Variants in GTF2E2 observed in about 807,000 individuals in gnomAD.
The protein encoded by GTF2E2 is general transcription factor IIE subunit 2.
Under a neutral mutation model 40.5 loss-of-function variants are expected in GTF2E2, and 21 were observed. The ratio of observed to expected loss-of-function variants is 0.52; its 90% CI spans 0.37 to 0.75. The LOEUF is 0.75. GTF2E2 is among the 30% of genes least tolerant of loss of function. The pLI, the probability that GTF2E2 is intolerant of heterozygous loss-of-function variation, is 0.00. For missense variants in GTF2E2, 298 were observed against 338.4 expected, an observed-to-expected ratio of 0.88 and a Z score of 0.94; for synonymous variants, 117 against 121.6, an observed-to-expected ratio of 0.96 and a Z score of 0.25.
chr8:30,611,061 T>C (rs1829461918), intron 5 of GTF2E2, among the ~76,000 whole-genome samples: 1 of 152,190 alleles, frequency 6.6e-6, no homozygotes, highest in Non-Finnish European at 1.5e-5. Flanking sequence ...TTGAGAATAT[T>C]ATGCTAAGTG....
intron 6 of GTF2E2, among the ~76,000 whole-genome samples, chr8:30,593,065 G>A (rs950334801): frequency 1.3e-5 from 2 of 152,118 alleles, no homozygotes; most frequent in African/African-American, 4.8e-5. Flanking sequence ...GTGGTGGCAC[G>A]TGCCTGTAGT....
chr8:30,615,170 T>A (rs187996631), intron 3 of GTF2E2, among the ~76,000 whole-genome samples: 219 of 152,024 alleles, frequency 1.4e-3, no homozygotes, highest in Non-Finnish European at 2.4e-3. Context: ...TCCCAGCTAC[T>A]TGGGAGGCTG....
intron 3 of GTF2E2, among the ~76,000 whole-genome samples, chr8:30,622,668 T>G (rs2151136920): frequency 6.6e-6 from 1 of 152,060 alleles, no homozygotes; most frequent in East Asian, 1.9e-4. Context: ...TCCCTACAGC[T>G]CGACCATAGA....
chr8:30,610,496 TGAAGAAAGACATACAGGCA>T (rs761993709), intron 5 of GTF2E2, among the ~76,000 whole-genome samples: 18 of 148,574 alleles, frequency 1.2e-4, no homozygotes, highest in Non-Finnish European at 2.1e-4. Context: ...AGTGCTGGCA[TGAAGAAAGACATACAGGCA>T]GAATAGAGGG....
At chr8:30,583,586 C>T (rs962718203) in intron 6 of GTF2E2, among the ~76,000 whole-genome samples, 2 of 151,730 alleles carry the variant, frequency 1.3e-5, no homozygotes, top group Admixed American at 1.3e-4. Context: ...CATCATGTTG[C>T]CAAGGCTGGT....
intron 2 of GTF2E2, among the ~76,000 whole-genome samples, chr8:30,651,353 T>TACA (rs1365716114): frequency 6.6e-6 from 1 of 151,824 alleles, no homozygotes; most frequent in Non-Finnish European, 1.5e-5. Flanking sequence ...GGTTACAGAA[T>TACA]ACAAGATCAA....
intron 3 of GTF2E2, among the ~76,000 whole-genome samples, chr8:30,619,492 A>C (rs557258649): frequency 9.2e-5 from 14 of 151,682 alleles, no homozygotes; most frequent in African/African-American, 3.1e-4. Flanking sequence ...AGGTTCAAGC[A>C]ATTCTCCTGC....
intron 1 of GTF2E2, among the ~76,000 whole-genome samples, chr8:30,655,900 T>G (rs916792190): frequency 1.3e-5 from 2 of 151,842 alleles, no homozygotes; most frequent in Non-Finnish European, 2.9e-5. Flanking sequence ...AACCTCCGCC[T>G]CCTGGGCTCA....
intron 2 of GTF2E2, among the ~76,000 whole-genome samples, chr8:30,650,364 A>G: frequency 6.6e-6 from 1 of 152,136 alleles, no homozygotes; most frequent in East Asian, 1.9e-4. Context: ...ATACATAAAA[A>G]GCATCAGACA....
At chr8:30,625,650 G>C (rs1801251009) in intron 3 of GTF2E2, among the ~76,000 whole-genome samples, 1 of 152,138 alleles carries the variant, frequency 6.6e-6, no homozygotes, top group Admixed American at 6.5e-5. Context: ...CCAGGCAGGA[G>C]TACAGTGGCA....
At chr8:30,620,382 G>C (rs1335860193) in intron 3 of GTF2E2, among the ~76,000 whole-genome samples, 1 of 151,860 alleles carries the variant, frequency 6.6e-6, no homozygotes. Context: ...AACCTAAAAC[G>C]AGACCTTCAT....
chr8:30,582,347 T>C (rs1828539516), intron 6 of GTF2E2, among the ~76,000 whole-genome samples: 1 of 152,214 alleles, frequency 6.6e-6, no homozygotes, highest in Admixed American at 6.5e-5. Context: ...TTTACATTTT[T>C]TAGACTTTTA....
chr8:30,587,858 C>A (rs1828725752), intron 6 of GTF2E2, among the ~76,000 whole-genome samples: 2 of 111,548 alleles, frequency 1.8e-5, no homozygotes, highest in African/African-American at 3.6e-5. Flanking sequence ...GGCAACAGAG[C>A]AAGACTCCGT....
chr8:30,637,004 G>A (rs1417673200), intron 2 of GTF2E2: 2 of 425,626 alleles, frequency 4.7e-6, no homozygotes, highest in African/African-American at 2.1e-5. Flanking sequence ...TAAACACTAT[G>A]GTAAATATTC....
chr8:30,629,216 G>A (rs956098413), intron 3 of GTF2E2, among the ~76,000 whole-genome samples: 1 of 152,108 alleles, frequency 6.6e-6, no homozygotes, highest in Non-Finnish European at 1.5e-5. Context: ...ATTTAAAACT[G>A]GAAATAGATC....
chr8:30,631,982 T>C (rs1801448874), intron 3 of GTF2E2, among the ~76,000 whole-genome samples: 1 of 152,110 alleles, frequency 6.6e-6, no homozygotes, highest in South Asian at 2.1e-4. Flanking sequence ...TGGTGGCACG[T>C]GCCTGTAGTC....
At chr8:30,648,716 C>A (rs1353159893) in intron 2 of GTF2E2, among the ~76,000 whole-genome samples, 1 of 152,232 alleles carries the variant, frequency 6.6e-6, no homozygotes, top group Non-Finnish European at 1.5e-5. Flanking sequence ...AACATTTGAG[C>A]TTCCAGCTGC....
intron 2 of GTF2E2, among the ~76,000 whole-genome samples, chr8:30,651,108 G>GT (rs1563512242): frequency 1.3e-5 from 2 of 151,722 alleles, no homozygotes; most frequent in Non-Finnish European, 2.9e-5. Flanking sequence ...AATATCATGC[G>GT]TAAGAGTGAA....
At chr8:30,655,836 C>T (rs1184633216) in intron 1 of GTF2E2, among the ~76,000 whole-genome samples, 1 of 151,858 alleles carries the variant, frequency 6.6e-6, no homozygotes. Flanking sequence ...GAGACAGAGT[C>T]TCGCTCTGCC....
Sources: gnomAD v4.1 joint callset for allele counts (sites outside exome capture counted in the v4.1 genomes callset) on GRCh38, gnomAD v4.1.1 for gene constraint, MANE v1.5 for transcripts, NCBI Gene and HGNC (gene_info 2026-07-23, HGNC 2026-07-21) for gene names.